Variants in HMGN1 observed in about 807,000 individuals in gnomAD.
HMGN1 encodes high mobility group nucleosome binding domain 1.
Under a neutral mutation model 18.4 loss-of-function variants are expected in HMGN1, and 9 were observed. That is an observed-to-expected ratio of 0.49 (90% CI 0.29 to 0.85). The LOEUF (loss-of-function observed/expected upper bound fraction) is 0.85. Ranked by LOEUF, HMGN1 falls within the 40% of genes least tolerant of loss-of-function variation. The pLI is 0.07. For missense variants in HMGN1, 151 were observed against 119.2 expected, an observed-to-expected ratio of 1.27 and a Z score of -1.24; for synonymous variants, 59 against 45.0, an observed-to-expected ratio of 1.31 and a Z score of -1.24.
intron 5 of HMGN1, 40 bp from the exon 6 acceptor site, chr21:39,343,199 C>T (rs1215870220): frequency 8.3e-6 from 13 of 1,561,740 alleles, no homozygotes; most frequent in South Asian, 3.5e-5. Context: ...GCATTTAACA[C>T]GTTGTCGTTT....
chr21:39,345,192 G>C lies in HMGN1; in HGVS notation c.209C>G (p.Thr70Ser), dbSNP rs1601551349. ...GKQAEVANQETKEDLPAENGE... is the reference protein window; with the variant it reads ...GKQAEVANQESKEDLPAENGE... ...GTTTTCCGCAGGTAAGTCTTCTTTA[G>C]TTTCTTGGTTAGCCACTTCGGCCTG... The change falls in exon 5 of 6, where the codon ACT (threonine) becomes AGT (serine). Residue 70 changes from threonine to serine, a missense_variant. Thr to Ser is a moderately conservative substitution (Grantham distance 58). Transcript: ENST00000380749. 6.2e-7 allele frequency: 1 copy of C among 1,612,648 alleles called. No individual in the cohort carries two copies. Among genetic ancestry groups the C allele is most frequent in the East Asian group, 2.2e-5 (1 of 44,846 alleles).
chr21:39,345,135 A>G lies in HMGN1; in HGVS notation c.255+11T>C, dbSNP rs1434703783. The stretch of plus-strand genomic sequence containing the variant: ...CACACACACACACACACACACACAC[A>G]CACTTCTGACCTCCTCAGTCTTCGT... On this transcript the variant is annotated intron_variant, in intron 5 of 5. Coordinates refer to ENST00000380749, the MANE Select transcript of HMGN1 (RefSeq NM_004965.7). 17 of 1,551,628 alleles carry G rather than the reference A, an allele frequency of 1.1e-5. No individual in the cohort carries two copies. The highest frequency in any genetic ancestry group is 2.6e-6 in the Non-Finnish European group (3 of 1,147,802).
In HMGN1 at chr21:39,348,449, G is replaced by C. The variant is rs986290081; in HGVS notation, c.51C>G (p.Pro17=). The C allele has an allele frequency of 1.2e-6, 2 of 1,614,162 alleles. No homozygotes were observed. The highest frequency in any genetic ancestry group is 8.5e-7 in the Non-Finnish European group (1 of 1,180,032). The part of the protein sequence containing the change: ...SSAEGAAKEE[P]KRRSARLSAK... ...CTGACAACCGCGCCGATCTCCTCTT[G>C]GGCTTGGAGAAAGAAAAAGGAGAGT... The change falls in exon 3 of 6, where the codon CCC becomes CCG. Residue 17 remains proline (P), a splice_region_variant and synonymous_variant. Transcript: ENST00000380749.
In HMGN1 at chr21:39,342,744, G is replaced by A; in HGVS notation, c.*368C>T. On this transcript the variant is annotated 3_prime_UTR_variant, in exon 6 of 6. Coordinates refer to ENST00000380749, the MANE Select transcript of HMGN1 (RefSeq NM_004965.7). The stretch of plus-strand genomic sequence containing the variant: ...CATGGTAATAGAAGTAATTTAAAAT[G>A]TTCAAGACATTAAATGCAGGACTGA... The A allele has an allele frequency of 1.9e-6, 1 of 515,884 alleles. No individual in the cohort carries two copies. Among genetic ancestry groups the A allele is most frequent in the East Asian group, 6.6e-5 (1 of 15,150 alleles). 32.0% of individuals were successfully genotyped at this position (515,884 alleles called of 1,614,324 possible).
At chr21:39,344,065 G>A (rs1421991252) in intron 5 of HMGN1, among the ~76,000 whole-genome samples, 1 of 152,086 alleles carries the variant, frequency 6.6e-6, no homozygotes, top group Non-Finnish European at 1.5e-5. Flanking sequence ...AACCAGCCTG[G>A]CTAACACGGC....
At position 39,348,432 on chromosome 21, in the gene HMGN1, C is replaced by A. The variant is rs1231836842; in HGVS notation, c.68G>T (p.Arg23Leu). ...GCTCGCTTTACTTACAGCTGACAAC[C>A]GCGCCGATCTCCTCTTGGGCTTGGA... ...AKEEPKRRSA[R>L]LSAKPPAKVE... Residue 23 changes from arginine to leucine, a missense_variant, in exon 3 of 6, where the codon CGG becomes CTG. Physicochemically the swap from Arg to Leu is moderately radical, Grantham distance 102. Transcript: ENST00000380749. 1.2e-6 allele frequency: 2 copies of A among 1,614,188 alleles called. No homozygotes were observed. The highest frequency in any genetic ancestry group is 3.3e-5 in the Admixed American group (2 of 60,026).
chr21:39,348,974 C>A lies in HMGN1; in HGVS notation c.-57G>T. 1.7e-6 allele frequency: 2 copies of A among 1,204,332 alleles called. No individual in the cohort carries two copies. The highest frequency in any genetic ancestry group is 2.1e-6 in the Non-Finnish European group (2 of 971,024). The allele number at this position is 1,204,332 out of a possible 1,614,324, so 74.6% of individuals were successfully genotyped here. On this transcript the variant is annotated 5_prime_UTR_variant, in exon 1 of 6. Coordinates refer to ENST00000380749, the MANE Select transcript of HMGN1 (RefSeq NM_004965.7). ...CTGCGGGGAAGGCGCGTGCCGGGTG[C>A]CTGCGGGCCGCGGCGCGCCGACAGC...
chr21:39,342,583 T>C lies in HMGN1; in HGVS notation c.*529A>G. Reference sequence around the variant, plus strand: ...GTACACTACATGTTCAAATCTGTAATCTTTCACAGCACAGTAACAAAGTTA... The same window carrying C: ...GTACACTACATGTTCAAATCTGTAACCTTTCACAGCACAGTAACAAAGTTA... On this transcript the variant is annotated 3_prime_UTR_variant, in exon 6 of 6. Transcript: ENST00000380749. The C allele has an allele frequency of 3.2e-6, 1 of 310,666 alleles. No individual in the cohort carries two copies. The highest frequency in any genetic ancestry group is 4.7e-5 in the Admixed American group (1 of 21,212). 19.2% of individuals were successfully genotyped at this position (310,666 alleles called of 1,614,324 possible).
In HMGN1 at chr21:39,348,742, G is replaced by A. The variant is rs887255910; in HGVS notation, c.15+161C>T. The A allele has an allele frequency of 9.5e-5, 103 of 1,078,864 alleles. No individual in the cohort carries two copies. The South Asian group carries it at 1.8e-3, about 19-fold the overall frequency. The allele number at this position is 1,078,864 out of a possible 1,614,324, so 66.8% of individuals were successfully genotyped here. On this transcript the variant is annotated intron_variant, in intron 1 of 5. Transcript: ENST00000380749. ...GGCCGCCAAACGTTCCAGAACGCCC[G>A]CCCCCGCGGCCGCCGAGCGCTCGCC...
Position 39,342,780 on chromosome 21 carries a change from C to T in HMGN1, c.*332G>A, listed in dbSNP as rs1423284234. On this transcript the variant is annotated 3_prime_UTR_variant, in exon 6 of 6. Coordinates refer to ENST00000380749, the MANE Select transcript of HMGN1 (RefSeq NM_004965.7). ...TAAATGCAGGACTGACTCCATATTGCCATTTAATATGCTTTGTATTATAGG... is the reference window on the plus strand; with the variant it reads ...TAAATGCAGGACTGACTCCATATTGTCATTTAATATGCTTTGTATTATAGG... The T allele has an allele frequency of 1.1e-5, 13 of 1,170,472 alleles. No homozygotes were observed. In the South Asian group the frequency reaches 1.7e-4, roughly 16 times the overall value. 72.5% of individuals were successfully genotyped at this position (1,170,472 alleles called of 1,614,324 possible).
At chr21:39,347,449 C>T (rs918163616) in intron 4 of HMGN1, 1 of 1,295,718 alleles carries the variant, frequency 7.7e-7, no homozygotes, top group East Asian at 5.6e-5. Context: ...AATCTTGCCT[C>T]TTCTGATGAC....
rs747104041 is a variant in HMGN1, at chr21:39,343,141, C to T, written c.274G>A (p.Ala92Thr). Residue 92 changes from alanine to threonine, a missense_variant, in exon 6 of 6, where the codon GCA becomes ACA. Transcript: ENST00000380749. ...TCAGACTTGGCTTCTTTCTCTCCTG[C>T]TTCATCAGAGGCTGGACTCTGCAAA... ...KTEESPASDE[A>T]GEKEAKSD The T allele has an allele frequency of 1.1e-5, 17 of 1,597,684 alleles. No individual in the cohort carries two copies. Among genetic ancestry groups the T allele is most frequent in the Non-Finnish European group, 1.3e-5 (15 of 1,170,714 alleles).
chr21:39,345,410 A>T, intron 4 of HMGN1, 136 bp from the exon 5 acceptor site: 4 of 763,676 alleles, frequency 5.2e-6, no homozygotes, highest in Non-Finnish European at 8.5e-6. Context: ...AGAGAGGGAC[A>T]TCTCACACAT....
intron 3 of HMGN1, 22 bp from the exon 4 acceptor site, chr21:39,348,361 G>C (rs1239461403): frequency 1.2e-6 from 2 of 1,614,174 alleles, no homozygotes; most frequent in East Asian, 2.2e-5. Flanking sequence ...AAGCAGCACT[G>C]AGCGTCCTCA....
At position 39,342,632 on chromosome 21, in the gene HMGN1, AG is replaced by A; in HGVS notation, c.*479del. 1 of 261,694 alleles carries A rather than the reference AG, an allele frequency of 3.8e-6. No homozygotes were observed. The highest frequency in any genetic ancestry group is 2.7e-5 in the South Asian group (1 of 36,376). 16.2% of individuals were successfully genotyped at this position (261,694 alleles called of 1,614,324 possible). On this transcript the variant is annotated 3_prime_UTR_variant, in exon 6 of 6. Coordinates refer to ENST00000380749, the MANE Select transcript of HMGN1 (RefSeq NM_004965.7). ...TATTAGGAAAACAGGACTACCACAA[AG>A]ATGTTACAGAGTGCACACAATTCTG...
At chr21:39,346,213 G>C (rs1444267188) in intron 4 of HMGN1, 3 of 341,650 alleles carry the variant, frequency 8.8e-6, no homozygotes, top group Non-Finnish European at 1.7e-5. Context: ...AGCAAGTAGA[G>C]CTCACAACTT....
rs987659957 is a variant in HMGN1 at position 39,349,016 on chromosome 21, T to G, written c.-99A>C. On this transcript the variant is annotated 5_prime_UTR_variant, in exon 1 of 6. Coordinates refer to ENST00000380749, the MANE Select transcript of HMGN1 (RefSeq NM_004965.7). ...GCCGACAGCCTTCGCGAAACTGGGC[T>G]GCCTTGCCGCTGCCACTCCTCCCGC... 4 of 1,178,244 alleles carry G rather than the reference T, an allele frequency of 3.4e-6. No homozygotes were observed. In the African/African-American group the frequency reaches 4.9e-5, roughly 15 times the overall value. 73.0% of individuals were successfully genotyped at this position (1,178,244 alleles called of 1,614,324 possible). A position where few individuals can be genotyped will look rare whatever the true frequency, so the allele number is the denominator to read the frequency against.
In HMGN1 at chr21:39,348,717, G is replaced by A. The variant is rs1465487349; in HGVS notation, c.16-140C>T. ...TTCGAATAGCCCCCTCAGCTCCCCC[G>A]GCCGCCAAACGTTCCAGAACGCCCG... is the stretch of plus-strand genomic sequence containing the variant. On this transcript the variant is annotated intron_variant, in intron 1 of 5. Coordinates refer to ENST00000380749, the MANE Select transcript of HMGN1 (RefSeq NM_004965.7). 6 of 1,173,936 alleles carry A rather than the reference G, an allele frequency of 5.1e-6. No individual in the cohort carries two copies. The African/African-American group carries it at 6.6e-5, about 13-fold the overall frequency. The allele number at this position is 1,173,936 out of a possible 1,614,324, so 72.7% of individuals were successfully genotyped here.
chr21:39,345,438 C>A lies in HMGN1; in HGVS notation c.127-164G>T, dbSNP rs878974375. ...TCACACATGAGCGTGAAACCCCAAT[C>A]TTCAAGCTTATGAAAGGATCTCATT... On this transcript the variant is annotated intron_variant, in intron 4 of 5. Transcript: ENST00000380749. 2.6e-5 allele frequency: 17 copies of A among 654,134 alleles called. No individual in the cohort carries two copies. In the South Asian group the frequency reaches 3.1e-4, roughly 12 times the overall value. 40.5% of individuals were successfully genotyped at this position (654,134 alleles called of 1,614,324 possible).
Sources: gnomAD v4.1 joint callset for allele counts (sites outside exome capture counted in the v4.1 genomes callset) on GRCh38, gnomAD v4.1.1 for gene constraint, MANE v1.5 for transcripts, NCBI Gene and HGNC (gene_info 2026-07-23, HGNC 2026-07-21) for gene names.